Variants in KCNC1 observed in about 807,000 individuals in gnomAD.
KCNC1 encodes the protein voltage-gated potassium channel KCNC1.
KCNC1 carries 8 observed loss-of-function variants against 43.4 expected under a neutral mutation model. The observed-to-expected ratio is 0.18, with a 90% CI of 0.11 to 0.33. KCNC1 has a LOEUF of 0.33. KCNC1 is among the 10% of genes least tolerant of loss of function. The pLI is 1.00. For missense variants in KCNC1, 420 were observed against 836.0 expected, an observed-to-expected ratio of 0.50 and a Z score of 6.14; for synonymous variants, 361 against 360.5, an observed-to-expected ratio of 1.00 and a Z score of -0.01.
At chr11:17,768,518 G>A (rs1340031984) in intron 1 of KCNC1, among the ~76,000 whole-genome samples, 1 of 148,122 alleles carries the variant, frequency 6.8e-6, no homozygotes, top group Non-Finnish European at 1.5e-5. Flanking sequence ...CCCTCTGGTA[G>A]CCAAGACTGA....
At position 17,779,557 on chromosome 11, in the gene KCNC1, C is replaced by T. The variant is rs370730720; in HGVS notation, c.1606C>T (p.Arg536Cys). ...TCCCGATGAGGGCCTGCCCTTTACGCGCTCGGGCACCCGCGAGAGATACGG... is the reference window on the plus strand; with the variant it reads ...TCCCGATGAGGGCCTGCCCTTTACGTGCTCGGGCACCCGCGAGAGATACGG... ...LTPDEGLPFT[R>C]SGTRERYGPC... The change falls in exon 3 of 4, where the codon CGC (arginine) becomes TGC (cysteine). Residue 536 changes from arginine to cysteine, a missense_variant. By Grantham distance (180) the Arg-to-Cys change is radical. Transcript: ENST00000265969. The surrounding 1 kb of genome is among the most constrained non-coding windows in gnomAD (Gnocchi z 7.2). 9.7e-6 allele frequency: 15 copies of T among 1,551,466 alleles called. No individual in the cohort carries two copies. The East Asian group carries it at 9.8e-5, about 10-fold the overall frequency.
intron 2 of KCNC1, among the ~76,000 whole-genome samples, chr11:17,778,301 C>A (rs1176302851): frequency 1.3e-5 from 2 of 152,222 alleles, no homozygotes; most frequent in Non-Finnish European, 2.9e-5. Flanking sequence ...GTTTGCCCCC[C>A]ACCAAATGTG....
chr11:17,770,644 CA>C (rs1849214795), intron 1 of KCNC1, among the ~76,000 whole-genome samples: 1 of 152,184 alleles, frequency 6.6e-6, no homozygotes, highest in Non-Finnish European at 1.5e-5. Flanking sequence ...CAAACCAAAC[CA>C]AAGGGTCTCC....
intron 1 of KCNC1, among the ~76,000 whole-genome samples, chr11:17,751,474 C>T (rs1313122530): frequency 6.6e-6 from 1 of 152,212 alleles, no homozygotes; most frequent in Admixed American, 6.5e-5. Flanking sequence ...AGTCCCACCT[C>T]TCACAGGATG....
At chr11:17,759,227 T>C (rs995392048) in intron 1 of KCNC1, among the ~76,000 whole-genome samples, 1 of 152,254 alleles carries the variant, frequency 6.6e-6, no homozygotes, top group Admixed American at 6.5e-5. Flanking sequence ...TAAACTTTTC[T>C]TCTGCAGCTT....
In KCNC1 at chr11:17,767,131, T is replaced by TA. The variant is rs67189869; in HGVS notation, c.571-4519dup. Among the ~76,000 whole-genome samples, 381 of 137,054 alleles carry TA rather than the reference T, an allele frequency of 2.8e-3. 3 individuals are homozygous for TA. Among genetic ancestry groups the TA allele is most frequent in the South Asian group, 0.011 (46 of 4,010 alleles). 89.9% of individuals were successfully genotyped at this position (137,054 alleles called of 152,430 possible). A position where few individuals can be genotyped will look rare whatever the true frequency, so the allele number is the denominator to read the frequency against. On this transcript the variant is annotated intron_variant, in intron 1 of 3. Coordinates refer to ENST00000265969, the MANE Select transcript of KCNC1 (RefSeq NM_001112741.2). ...TGAGCAACAGAACGAGACTCTGTCT[T>TA]AAAAAAAAAAAAAAATTAGCCGGCT...
At chr11:17,765,013 G>A (rs906812454) in intron 1 of KCNC1, among the ~76,000 whole-genome samples, 2 of 152,202 alleles carry the variant, frequency 1.3e-5, no homozygotes, top group African/African-American at 4.8e-5. Flanking sequence ...GCCTCTGGGG[G>A]CCTGGGGCCT....
At chr11:17,737,848 CA>C (rs923022476) in intron 1 of KCNC1, among the ~76,000 whole-genome samples, 4 of 152,096 alleles carry the variant, frequency 2.6e-5, no homozygotes, top group African/African-American at 7.2e-5. Flanking sequence ...GAGCCAGAGC[CA>C]GGGGTAGAGG....
Position 17,772,189 on chromosome 11 carries a change from C to T in KCNC1, c.1095C>T (p.Tyr365=), listed in dbSNP as rs569972571. 3.7e-5 allele frequency: 59 copies of T among 1,614,112 alleles called. No homozygotes were observed. Among genetic ancestry groups the T allele is most frequent in the East Asian group, 1.1e-4 (5 of 44,876 alleles). The change falls in exon 2 of 4, where the codon TAC becomes TAT. Residue 365 remains tyrosine (Y), a synonymous_variant. Transcript: ENST00000265969. ...GVLIFATMIY[Y]AERIGAQPND... is the part of the protein sequence containing the mutation. The stretch of plus-strand genomic sequence containing the variant: ...TGATCTTCGCCACCATGATCTACTA[C>T]GCCGAGAGGATAGGGGCACAGCCCA...
intron 2 of KCNC1, chr11:17,775,634 C>G: frequency 2.0e-6 from 2 of 985,706 alleles, no homozygotes; most frequent in Non-Finnish European, 2.4e-6. Context: ...CTCTGGACAG[C>G]CCACAATGCC....
chr11:17,773,874 G>C lies in KCNC1; in HGVS notation c.1504+1276G>C. ...TGACAGGTGGCATTTAGTCTATGAAGGACCTCCCCATGCCCAGGTCTGGCA... is the reference window on the plus strand; with the variant it reads ...TGACAGGTGGCATTTAGTCTATGAACGACCTCCCCATGCCCAGGTCTGGCA... On this transcript the variant is annotated intron_variant, in intron 2 of 3. Coordinates refer to ENST00000265969, the MANE Select transcript of KCNC1 (RefSeq NM_001112741.2). The surrounding 1 kb of genome is among the most constrained non-coding windows in gnomAD (Gnocchi z 4.1). 1 of 985,472 alleles carries C rather than the reference G, an allele frequency of 1.0e-6. No individual in the cohort carries two copies. The highest frequency in any genetic ancestry group is 1.2e-6 in the Non-Finnish European group (1 of 829,964). 61.0% of individuals were successfully genotyped at this position (985,472 alleles called of 1,614,324 possible).
At position 17,776,141 on chromosome 11, in the gene KCNC1, G is replaced by A. The variant is rs754945498; in HGVS notation, c.1505-3315G>A. 8.1e-6 allele frequency: 8 copies of A among 985,304 alleles called. No homozygotes were observed. Among genetic ancestry groups the A allele is most frequent in the Admixed American group, 6.1e-5 (1 of 16,274 alleles). 61.0% of individuals were successfully genotyped at this position (985,304 alleles called of 1,614,324 possible). A position where few individuals can be genotyped will look rare whatever the true frequency, so the allele number is the denominator to read the frequency against. ...GGAAGTAGCGGAGAAATGAAGTGAC[G>A]CCAGGGGCCAGGCATGGGTGTTCTT... is the stretch of plus-strand genomic sequence containing the variant. On this transcript the variant is annotated intron_variant, in intron 2 of 3. Coordinates refer to ENST00000265969, the MANE Select transcript of KCNC1 (RefSeq NM_001112741.2). This position sits in a 1 kb window ranked among gnomAD's most constrained non-coding sequence, Gnocchi z 4.4.
chr11:17,752,681 T>C (rs77581557), intron 1 of KCNC1, among the ~76,000 whole-genome samples: 17,439 of 152,246 alleles, frequency 0.11, 1,226 homozygotes, highest in Non-Finnish European at 0.16. Flanking sequence ...TTTCAAATTC[T>C]ACCTCCCTCA....
intron 1 of KCNC1, among the ~76,000 whole-genome samples, chr11:17,763,701 C>A (rs1849108145): frequency 7.6e-6 from 1 of 131,014 alleles, no homozygotes; most frequent in African/African-American, 2.8e-5. Context: ...TACACACCCT[C>A]ACCCACACAC....
At chr11:17,765,993 A>C (rs1849146527) in intron 1 of KCNC1, 1 of 152,940 alleles carries the variant, frequency 6.5e-6, no homozygotes, top group South Asian at 2.1e-4. Context: ...GAGGAGGCAG[A>C]GGCAAGGTGG....
intron 1 of KCNC1, among the ~76,000 whole-genome samples, chr11:17,738,815 C>G (rs1451575068): frequency 6.6e-6 from 1 of 152,220 alleles, no homozygotes; most frequent in South Asian, 2.1e-4. Flanking sequence ...CGGGGTGAGG[C>G]GGTACTGGGA....
intron 1 of KCNC1, among the ~76,000 whole-genome samples, chr11:17,740,817 C>G (rs761466484): frequency 8.5e-5 from 13 of 152,146 alleles, no homozygotes; most frequent in Non-Finnish European, 1.5e-4. Context: ...GTCACTGCCT[C>G]TTTGGAACTC....
chr11:17,765,073 C>T lies in KCNC1; in HGVS notation c.571-6592C>T, dbSNP rs12575920. ...TTAGCTATCACATGCCCCCACTGCC[C>T]GCAGCCCTGCCCTGCCTCAGAATCC... On this transcript the variant is annotated intron_variant, in intron 1 of 3. Transcript: ENST00000265969. Among the ~76,000 whole-genome samples, 17 of 152,294 alleles carry T rather than the reference C, an allele frequency of 1.1e-4. No homozygotes were observed. The East Asian group carries it at 2.1e-3, about 19-fold the overall frequency.
At chr11:17,737,284 C>T (rs1032771049) in intron 1 of KCNC1, among the ~76,000 whole-genome samples, 2 of 152,092 alleles carry the variant, frequency 1.3e-5, no homozygotes, top group African/African-American at 2.4e-5. Context: ...TTGTCGAAAG[C>T]GGAGGGTGTT....
Sources: gnomAD v4.1 joint callset for allele counts (sites outside exome capture counted in the v4.1 genomes callset) on GRCh38, gnomAD v4.1.1 for gene constraint, Gnocchi (gnomAD v3.1) non-coding constraint, MANE v1.5 for transcripts, NCBI Gene and HGNC (gene_info 2026-07-23, HGNC 2026-07-21) for gene names.